NAA15: variants seen among roughly 807,000 people sequenced by gnomAD.
NAA15 encodes N-terminal acetyltransferase.
Under a neutral mutation model 114.0 loss-of-function variants are expected in NAA15, and 34 were observed. The ratio of observed to expected loss-of-function variants is 0.30; its 90% CI spans 0.23 to 0.40. The LOEUF (loss-of-function observed/expected upper bound fraction) is 0.40. Among genes scored for constraint, NAA15 ranks in the 10% least tolerant of loss-of-function variants. The pLI, the probability that NAA15 is intolerant of heterozygous loss-of-function variation, is 1.00. For synonymous variants in NAA15, 340 were observed against 338.0 expected, an observed-to-expected ratio of 1.01 and a Z score of -0.06; for missense variants, 658 against 1,004.5, an observed-to-expected ratio of 0.66 and a Z score of 4.66.
chr4:139,315,078 T>TAGGTTAGG (rs1253703101), intron 1 of NAA15, among the ~76,000 whole-genome samples: 11 of 144,896 alleles, frequency 7.6e-5, no homozygotes, highest in Admixed American at 1.4e-4. Flanking sequence ...TAGTTTAGTT[T>TAGGTTAGG]TTGAGACGGA....
chr4:139,319,677 C>T (rs1260102084), intron 1 of NAA15, among the ~76,000 whole-genome samples: 1 of 152,148 alleles, frequency 6.6e-6, no homozygotes, highest in Admixed American at 6.5e-5. Context: ...AGGCAATCTG[C>T]CCACCTTGGC....
chr4:139,334,619 AT>A (rs1747136719), intron 2 of NAA15, among the ~76,000 whole-genome samples: 2 of 152,152 alleles, frequency 1.3e-5, no homozygotes, highest in African/African-American at 2.4e-5. Context: ...CATATTTTTT[AT>A]TTATGTTTTT....
At chr4:139,355,692 T>C (rs1432161030) in intron 10 of NAA15, among the ~76,000 whole-genome samples, 1 of 152,224 alleles carries the variant, frequency 6.6e-6, no homozygotes, top group Admixed American at 6.5e-5. Context: ...ACTTCTGTCA[T>C]GACAGAATCT....
intron 1 of NAA15, among the ~76,000 whole-genome samples, chr4:139,305,907 G>T (rs1560948524): frequency 6.6e-6 from 1 of 152,156 alleles, no homozygotes; most frequent in Non-Finnish European, 1.5e-5. Flanking sequence ...TACTGTACTT[G>T]TTATGATAAA....
intron 1 of NAA15, among the ~76,000 whole-genome samples, chr4:139,322,930 A>G (rs1486336073): frequency 6.6e-6 from 1 of 151,256 alleles, no homozygotes; most frequent in Non-Finnish European, 1.5e-5. Context: ...ACCTCAAGTG[A>G]CCCGCCCACC....
At chr4:139,314,267 G>T (rs1444326976) in intron 1 of NAA15, among the ~76,000 whole-genome samples, 1 of 151,818 alleles carries the variant, frequency 6.6e-6, no homozygotes, top group East Asian at 1.9e-4. Context: ...AAGGGGATCT[G>T]AGGTAGTTGT....
At chr4:139,360,005 A>G (rs1467019758) in intron 12 of NAA15, 110 bp downstream of exon 12, 3 of 964,934 alleles carry the variant, frequency 3.1e-6, no homozygotes, top group South Asian at 4.2e-5. Context: ...TGACACCGTA[A>G]TAGCCAAGAT....
At chr4:139,374,485 T>G (rs1252578819) in intron 15 of NAA15, among the ~76,000 whole-genome samples, 1 of 152,210 alleles carries the variant, frequency 6.6e-6, no homozygotes, top group Non-Finnish European at 1.5e-5. Flanking sequence ...CATCTTGCTG[T>G]GGTGATTGTC....
At chr4:139,322,034 A>G (rs1029129821) in intron 1 of NAA15, among the ~76,000 whole-genome samples, 2 of 151,990 alleles carry the variant, frequency 1.3e-5, no homozygotes, top group Admixed American at 6.6e-5. Flanking sequence ...GCCTTTCTTA[A>G]TAGAGTTTTG....
chr4:139,318,084 T>C (rs1746472570), intron 1 of NAA15, among the ~76,000 whole-genome samples: 1 of 152,232 alleles, frequency 6.6e-6, no homozygotes, highest in Admixed American at 6.5e-5. Flanking sequence ...AGACCATATA[T>C]GTAATTTTCA....
intron 18 of NAA15, 139 bp downstream of exon 18, chr4:139,385,117 G>A (rs778139601): frequency 2.0e-5 from 13 of 649,224 alleles, no homozygotes; most frequent in Non-Finnish European, 2.9e-5. Context: ...AAAACAGGCA[G>A]CTTAAATAAG....
Position 139,378,767 on chromosome 4 carries a change from T to G in NAA15, c.2068T>G (p.Leu690Val). The change falls in exon 17 of 20, where the codon TTG becomes GTG. Residue 690 changes from leucine (L) to valine (V), a missense_variant. Physicochemically the swap from Leu to Val is conservative, Grantham distance 32. This residue lies in a region of NAA15 where 275 missense variants were observed against 371.1 expected (regional missense o/e 0.74). Transcript: ENST00000296543. ...TTCTCTTTTTATAGAAAAGTTTCTT[T>G]TGATGCTACAATCAGTAAAGAGGGC... ...EIYFRKEKFL[L>V]MLQSVKRAFA... The G allele has an allele frequency of 6.4e-7, 1 of 1,558,440 alleles. No homozygotes were observed. The highest frequency in any genetic ancestry group is 8.6e-7 in the Non-Finnish European group (1 of 1,159,356).
chr4:139,323,879 A>T (rs1746702326), intron 1 of NAA15, among the ~76,000 whole-genome samples: 1 of 152,116 alleles, frequency 6.6e-6, no homozygotes, highest in Admixed American at 6.5e-5. Context: ...AGAATTTAGC[A>T]CATGCGACTT....
At chr4:139,303,393 G>A (rs1415696984) in intron 1 of NAA15, among the ~76,000 whole-genome samples, 1 of 152,124 alleles carries the variant, frequency 6.6e-6, no homozygotes, top group Non-Finnish European at 1.5e-5. Context: ...AAAGTTGAGA[G>A]AACAAGGAAC....
chr4:139,357,739 A>G (rs955204424), intron 11 of NAA15, among the ~76,000 whole-genome samples, 184 bp downstream of exon 11: 1 of 152,206 alleles, frequency 6.6e-6, no homozygotes, highest in Non-Finnish European at 1.5e-5. Context: ...TAATTTGGTG[A>G]TTTATCTATA....
intron 14 of NAA15, 42 bp downstream of exon 14, chr4:139,361,979 G>A (rs771802091): frequency 9.0e-6 from 12 of 1,336,676 alleles, no homozygotes; most frequent in Non-Finnish European, 1.3e-5. Flanking sequence ...ATGTGTTTAT[G>A]TGTATTTATG....
chr4:139,311,089 T>C (rs557572497), intron 1 of NAA15, among the ~76,000 whole-genome samples: 3 of 152,004 alleles, frequency 2.0e-5, no homozygotes, highest in South Asian at 4.2e-4. Flanking sequence ...CATGCCTGGC[T>C]AAACAGGTGT....
chr4:139,390,214 A>G lies in NAA15; in HGVS notation c.*2130A>G, dbSNP rs1749018440. ...TCAGAACTCTTAAGATGCAGATGCC[A>G]CCCGTGAGGAGCTAAATTCCTAATG... is the stretch of plus-strand genomic sequence containing the variant. On this transcript the variant is annotated 3_prime_UTR_variant, in exon 20 of 20. Transcript: ENST00000296543. 1 of 152,674 alleles carries G rather than the reference A, an allele frequency of 6.5e-6. No individual in the cohort carries two copies. Among genetic ancestry groups the G allele is most frequent in the Non-Finnish European group, 1.5e-5 (1 of 68,038 alleles). 9.5% of individuals were successfully genotyped at this position (152,674 alleles called of 1,614,324 possible). A position where few individuals can be genotyped will look rare whatever the true frequency, so the allele number is the denominator to read the frequency against.
At chr4:139,326,227 G>C (rs1459841017) in intron 1 of NAA15, among the ~76,000 whole-genome samples, 1 of 151,990 alleles carries the variant, frequency 6.6e-6, no homozygotes, top group Non-Finnish European at 1.5e-5. Context: ...GGATTGTCTG[G>C]GTTCAGATTC....
Sources: allele counts gnomAD v4.1 joint callset (sites outside exome capture counted in the v4.1 genomes callset), GRCh38; gene constraint gnomAD v4.1.1; regional missense constraint gnomAD v4.1.1; transcripts MANE v1.5; gene names NCBI Gene and HGNC (gene_info 2026-07-23, HGNC 2026-07-21).